The following FBXL7 variants were observed in gnomAD, a reference collection of about 807,000 sequenced individuals.
FBXL7 encodes the protein F-box/LRR-repeat protein 7.
A neutral mutation model predicts 38.3 loss-of-function variants in FBXL7; 12 were observed. That is an observed-to-expected ratio of 0.31 (90% CI 0.20 to 0.51). The LOEUF (loss-of-function observed/expected upper bound fraction) is 0.51. Ranked by LOEUF, FBXL7 falls within the 20% of genes least tolerant of loss-of-function variation. FBXL7 has a pLI of 0.98. For missense variants in FBXL7, 567 were observed against 676.4 expected (o/e 0.84, Z 1.79); for synonymous variants, 297 against 300.9 (o/e 0.99, Z 0.13).
At chr5:15,652,470 G>C (rs900952237) in intron 2 of FBXL7, among the ~76,000 whole-genome samples, 5 of 152,158 alleles carry the variant, frequency 3.3e-5, no homozygotes, top group Admixed American at 3.3e-4. Flanking sequence ...CTTTCACCGT[G>C]TTAGCCCGGA....
At chr5:15,650,067 C>T (rs1384950686) in intron 2 of FBXL7, among the ~76,000 whole-genome samples, 1 of 152,184 alleles carries the variant, frequency 6.6e-6, no homozygotes, top group Non-Finnish European at 1.5e-5. Context: ...CCTTCGGGCT[C>T]ATCTTTTCTT....
intron 2 of FBXL7, among the ~76,000 whole-genome samples, chr5:15,868,420 T>C (rs1458165005): frequency 4.6e-5 from 7 of 152,204 alleles, no homozygotes; most frequent in Non-Finnish European, 1.0e-4. Flanking sequence ...AAGTCCATGA[T>C]AATTCATTAC....
chr5:15,883,395 G>A (rs983096903), intron 2 of FBXL7, among the ~76,000 whole-genome samples: 3 of 151,914 alleles, frequency 2.0e-5, no homozygotes, highest in South Asian at 2.1e-4. Context: ...TGAGATACTC[G>A]GTGGTTTCTA....
intron 1 of FBXL7, chr5:15,580,756 G>A: frequency 1.0e-6 from 1 of 985,396 alleles, no homozygotes; most frequent in Non-Finnish European, 1.2e-6. Context: ...CCCTCCTGGT[G>A]TGTGTTTCCA....
chr5:15,892,892 C>CT (rs1561178185), intron 2 of FBXL7, among the ~76,000 whole-genome samples: 2 of 152,004 alleles, frequency 1.3e-5, no homozygotes, highest in African/African-American at 2.4e-5. Flanking sequence ...CCGAGGGGGG[C>CT]GGATCACGAG....
intron 2 of FBXL7, among the ~76,000 whole-genome samples, chr5:15,802,960 G>A (rs1737611743): frequency 2.6e-5 from 4 of 152,080 alleles, no homozygotes; most frequent in East Asian, 1.9e-4. Flanking sequence ...GCCCCACCAC[G>A]TCATTCTTCA....
chr5:15,899,484 T>G (rs1303704810), intron 2 of FBXL7, among the ~76,000 whole-genome samples: 1 of 152,216 alleles, frequency 6.6e-6, no homozygotes, highest in African/African-American at 2.4e-5. Context: ...GAGTTATCAT[T>G]GAGATAAGCG....
At chr5:15,617,232 C>T (rs1171416916) in intron 2 of FBXL7, among the ~76,000 whole-genome samples, 1 of 152,136 alleles carries the variant, frequency 6.6e-6, no homozygotes, top group African/African-American at 2.4e-5. Context: ...TGCTTAAAAC[C>T]TTAGCACTGT....
intron 2 of FBXL7, among the ~76,000 whole-genome samples, chr5:15,636,619 C>A (rs1201568510): frequency 6.7e-6 from 1 of 149,922 alleles, no homozygotes; most frequent in Non-Finnish European, 1.5e-5. Context: ...TGAGCCTGTT[C>A]TTTTACCTGA....
intron 2 of FBXL7, among the ~76,000 whole-genome samples, chr5:15,780,871 G>C (rs1228055348): frequency 2.6e-5 from 4 of 152,168 alleles, no homozygotes; most frequent in African/African-American, 7.2e-5. Flanking sequence ...GTTTGCCTTT[G>C]CTGTGCCACA....
At chr5:15,891,415 A>G (rs191775734) in intron 2 of FBXL7, among the ~76,000 whole-genome samples, 39 of 152,320 alleles carry the variant, frequency 2.6e-4, no homozygotes, top group Admixed American at 4.6e-4. Context: ...GAAATCCCCA[A>G]TGTAATTTTC....
intron 2 of FBXL7, among the ~76,000 whole-genome samples, chr5:15,641,385 T>G (rs935597227): frequency 6.6e-6 from 1 of 152,168 alleles, no homozygotes; most frequent in Non-Finnish European, 1.5e-5. Context: ...TCCCCTGGTA[T>G]GAACACAGGA....
intron 2 of FBXL7, among the ~76,000 whole-genome samples, chr5:15,814,363 T>A (rs1737953922): frequency 6.6e-6 from 1 of 152,100 alleles, no homozygotes; most frequent in South Asian, 2.1e-4. Flanking sequence ...CACTCTTAAG[T>A]AGGAGTCGAA....
chr5:15,780,979 T>C (rs943721464), intron 2 of FBXL7, among the ~76,000 whole-genome samples: 2 of 152,116 alleles, frequency 1.3e-5, no homozygotes, highest in African/African-American at 4.8e-5. Context: ...ATTGTAAAGT[T>C]TGTGATCTCA....
chr5:15,584,996 A>G (rs368707604), intron 1 of FBXL7, among the ~76,000 whole-genome samples: 102 of 152,324 alleles, frequency 6.7e-4, no homozygotes, highest in African/African-American at 2.3e-3. Flanking sequence ...CAAAGCTTCA[A>G]TTGGTATCCC....
chr5:15,856,872 A>G (rs890750419), intron 2 of FBXL7, among the ~76,000 whole-genome samples: 3 of 152,170 alleles, frequency 2.0e-5, no homozygotes, highest in Admixed American at 2.0e-4. Flanking sequence ...TATCTGTCAT[A>G]GTTAACCAGT....
At chr5:15,503,821 T>C (rs1174767127) in intron 1 of FBXL7, among the ~76,000 whole-genome samples, 1 of 152,268 alleles carries the variant, frequency 6.6e-6, no homozygotes, top group Non-Finnish European at 1.5e-5. Context: ...ATTTTACTTA[T>C]TAATGACAGT....
chr5:15,564,940 A>C (rs562132047), intron 1 of FBXL7, among the ~76,000 whole-genome samples: 6 of 152,276 alleles, frequency 3.9e-5, no homozygotes, highest in African/African-American at 1.4e-4. Context: ...TAAATCTTTC[A>C]GCTAGTAAAA....
chr5:15,857,965 A>C (rs1739320734), intron 2 of FBXL7, among the ~76,000 whole-genome samples: 1 of 152,156 alleles, frequency 6.6e-6, no homozygotes, highest in South Asian at 2.1e-4. Context: ...AGTTGAGGAA[A>C]TAGAAACAGG....
Sources: gnomAD v4.1 joint callset for allele counts (sites outside exome capture counted in the v4.1 genomes callset) on GRCh38, gnomAD v4.1.1 for gene constraint, MANE v1.5 for transcripts, NCBI Gene and HGNC (gene_info 2026-07-23, HGNC 2026-07-21) for gene names.